The following BCL2L13 variants were observed in gnomAD, a reference collection of about 807,000 sequenced individuals.
The protein encoded by BCL2L13 is BCL2 like 13.
BCL2L13 carries 13 observed loss-of-function variants against 25.8 expected under a neutral mutation model. The ratio of observed to expected loss-of-function variants is 0.50; its 90% CI spans 0.33 to 0.80. The LOEUF (loss-of-function observed/expected upper bound fraction) is 0.80. Ranked by LOEUF, BCL2L13 falls within the 30% of genes least tolerant of loss-of-function variation. The pLI, the probability that BCL2L13 is intolerant of heterozygous loss-of-function variation, is 0.02. For synonymous variants in BCL2L13, 244 were observed against 230.3 expected, an observed-to-expected ratio of 1.06 and a Z score of -0.54; for missense variants, 504 against 574.9, an observed-to-expected ratio of 0.88 and a Z score of 1.26.
In BCL2L13 at chr22:17,685,760, C is replaced by CTTTTTTTTTTTTTTT. The variant is rs1166792513; in HGVS notation, c.229+2454_229+2468dup. Among the ~76,000 whole-genome samples, 221 of 60,574 alleles carry CTTTTTTTTTTTTTTT rather than the reference C, an allele frequency of 3.6e-3. 67 individuals carry two copies. The highest frequency in any genetic ancestry group is 6.0e-3 in the East Asian group (12 of 1,994). The allele number at this position is 60,574 out of a possible 152,430, so 39.7% of individuals were successfully genotyped here. ...TATTGCCCAATAATTTTTTCTTTTTCTTTTTTTTTTTTTTTTTTTTTTTTT... is the reference window on the plus strand; with the variant it reads ...TATTGCCCAATAATTTTTTCTTTTTCTTTTTTTTTTTTTTTTTTTTTTTTTTTTTTTTTTTTTTTT... On this transcript the variant is annotated intron_variant, in intron 3 of 6. Coordinates refer to ENST00000317582, the MANE Select transcript of BCL2L13 (RefSeq NM_015367.4).
chr22:17,650,417 G>A (rs1398400888), intron 1 of BCL2L13, among the ~76,000 whole-genome samples: 1 of 151,902 alleles, frequency 6.6e-6, no homozygotes, highest in Non-Finnish European at 1.5e-5. Context: ...AACATGTTTT[G>A]TAGCCTATGT....
chr22:17,663,989 C>T (rs1265066633), intron 2 of BCL2L13, among the ~76,000 whole-genome samples: 2 of 152,132 alleles, frequency 1.3e-5, no homozygotes, highest in Non-Finnish European at 2.9e-5. Context: ...GGTGGGATTA[C>T]AGGCACGCGC....
intron 3 of BCL2L13, 41 bp downstream of exon 3, chr22:17,683,362 G>A: frequency 8.7e-7 from 1 of 1,153,756 alleles, no homozygotes; most frequent in Non-Finnish European, 1.3e-6. Context: ...AGCAGATTGT[G>A]TTTGTTATGG....
chr22:17,665,990 G>A (rs972111190), intron 2 of BCL2L13, among the ~76,000 whole-genome samples: 1 of 152,172 alleles, frequency 6.6e-6, no homozygotes, highest in African/African-American at 2.4e-5. Flanking sequence ...AGGGAGCACA[G>A]CTGCTGGGTC....
intron 2 of BCL2L13, among the ~76,000 whole-genome samples, chr22:17,670,863 C>T (rs1334366763): frequency 1.3e-5 from 2 of 152,136 alleles, no homozygotes; most frequent in African/African-American, 4.8e-5. Context: ...CAGATCTGTC[C>T]TCCATCAGTC....
At chr22:17,644,572 C>T (rs904749902) in intron 1 of BCL2L13, among the ~76,000 whole-genome samples, 6 of 151,134 alleles carry the variant, frequency 4.0e-5, no homozygotes, top group African/African-American at 9.8e-5. Context: ...CCTCGTGATC[C>T]GCCTGCCTTG....
intron 2 of BCL2L13, among the ~76,000 whole-genome samples, chr22:17,671,324 ACAGAGCTTG>A (rs1483349297): frequency 1.3e-5 from 2 of 149,766 alleles, no homozygotes; most frequent in Non-Finnish European, 3.0e-5. Context: ...TACCCGGGAG[ACAGAGCTTG>A]CAGTGAGCCA....
rs181261924 is a variant in BCL2L13 at position 17,714,151 on chromosome 22, G to A, written c.600+11765G>A. On this transcript the variant is annotated intron_variant, in intron 6 of 6. Transcript: ENST00000317582. ...TACTAAAAATACAAAAAGTTAGCCG[G>A]GCGTGGTGGCGGGCACCTGTAGTCC... is the stretch of plus-strand genomic sequence containing the variant. 3.7e-4 allele frequency among the ~76,000 whole-genome samples: 56 copies of A among 152,200 alleles called. 2 individuals carry two copies. The highest frequency in any genetic ancestry group is 1.3e-3 in the African/African-American group (56 of 41,550).
intron 2 of BCL2L13, among the ~76,000 whole-genome samples, chr22:17,666,377 T>G: frequency 6.6e-6 from 1 of 152,118 alleles, no homozygotes. Context: ...CAGTTACTCT[T>G]TAAGTTATTT....
At position 17,727,297 on chromosome 22, in the gene BCL2L13, G is replaced by A. The variant is rs759873601; in HGVS notation, c.1221G>A (p.Thr407=). The change falls in exon 7 of 7, where the codon ACG becomes ACA. Residue 407 remains threonine (T), a synonymous_variant. Coordinates refer to ENST00000317582, the MANE Select transcript of BCL2L13 (RefSeq NM_015367.4). The part of the protein sequence containing the change: ...EVVPALEPTE[T]LLSEKEINAR... ...TCCCCGCACTGGAACCCACAGAAACGCTGCTGAGTGAGAAGGAGATAAACG... is the reference window on the plus strand; with the variant it reads ...TCCCCGCACTGGAACCCACAGAAACACTGCTGAGTGAGAAGGAGATAAACG... 47 of 1,614,128 alleles carry A rather than the reference G, an allele frequency of 2.9e-5. No homozygotes were observed. The highest frequency in any genetic ancestry group is 3.7e-5 in the Non-Finnish European group (44 of 1,180,052).
chr22:17,686,149 G>C (rs1601657697), intron 3 of BCL2L13, among the ~76,000 whole-genome samples: 1 of 151,954 alleles, frequency 6.6e-6, no homozygotes, highest in Non-Finnish European at 1.5e-5. Context: ...AAAAAACACA[G>C]ATAGAAATGT....
rs71201853 is a variant in BCL2L13, at chr22:17,646,888, TTGTGTGTGTGTGTGTGTG to T, written c.-51+8020_-51+8037del. Among the ~76,000 whole-genome samples, 17 of 89,946 alleles carry T rather than the reference TTGTGTGTGTGTGTGTGTG, an allele frequency of 1.9e-4. No homozygotes were observed. The East Asian group carries it at 4.5e-3, about 24-fold the overall frequency. 59.0% of individuals were successfully genotyped at this position (89,946 alleles called of 152,430 possible). On this transcript the variant is annotated intron_variant, in intron 1 of 6. Transcript: ENST00000317582. ...GTGCCTGCCACCACGCCCAGCTAAT[TTGTGTGTGTGTGTGTGTG>T]TGTGTGTGTGTGTGTGTATAAACTA...
intron 2 of BCL2L13, among the ~76,000 whole-genome samples, chr22:17,667,356 C>T (rs753031026): frequency 6.6e-6 from 1 of 151,644 alleles, no homozygotes; most frequent in Non-Finnish European, 1.5e-5. Context: ...ATTTTTAGTA[C>T]AGATGGGTTT....
At chr22:17,644,321 G>A (rs1350652772) in intron 1 of BCL2L13, among the ~76,000 whole-genome samples, 1 of 149,358 alleles carries the variant, frequency 6.7e-6, no homozygotes, top group Non-Finnish European at 1.5e-5. Flanking sequence ...TATTACTGGA[G>A]CATTTAATAA....
intron 1 of BCL2L13, among the ~76,000 whole-genome samples, chr22:17,643,187 G>A (rs972446333): frequency 3.3e-5 from 5 of 152,174 alleles, no homozygotes; most frequent in Non-Finnish European, 7.3e-5. Context: ...AGGGGGTAGT[G>A]TCTACACTAG....
chr22:17,641,439 G>A (rs1301758097), intron 1 of BCL2L13, among the ~76,000 whole-genome samples: 2 of 152,022 alleles, frequency 1.3e-5, no homozygotes, highest in Non-Finnish European at 2.9e-5. Flanking sequence ...AGCCCATGAG[G>A]CAACATGATT....
chr22:17,650,734 A>C (rs5747308), intron 1 of BCL2L13, among the ~76,000 whole-genome samples: 79,567 of 151,826 alleles, frequency 0.52, 21,502 homozygotes, highest in East Asian at 0.84. Context: ...AAAAGATAGG[A>C]TCTTGCTCTG....
intron 6 of BCL2L13, among the ~76,000 whole-genome samples, chr22:17,722,128 G>T (rs976797159): frequency 6.6e-6 from 1 of 152,070 alleles, no homozygotes; most frequent in Non-Finnish European, 1.5e-5. Context: ...TAGTAAATAG[G>T]ATCATACCAT....
chr22:17,659,466 C>G (rs1347018563), intron 2 of BCL2L13, among the ~76,000 whole-genome samples: 1 of 145,050 alleles, frequency 6.9e-6, no homozygotes, highest in Admixed American at 6.9e-5. Context: ...TCGAGCCCAT[C>G]CTGGCTAACA....
Sources: gnomAD v4.1 joint callset for allele counts (sites outside exome capture counted in the v4.1 genomes callset) on GRCh38, gnomAD v4.1.1 for gene constraint, MANE v1.5 for transcripts, NCBI Gene and HGNC (gene_info 2026-07-23, HGNC 2026-07-21) for gene names.